RGPD2: variants seen among roughly 807,000 people sequenced by gnomAD.
The protein encoded by RGPD2 is RANBP2-like and GRIP domain-containing protein 2.
In RGPD2, 2 loss-of-function variants were observed where a neutral mutation model predicts 36.0. The observed-to-expected ratio is 0.06, with a 90% CI of 0.02 to 0.17. The LOEUF (loss-of-function observed/expected upper bound fraction) is 0.17. RGPD2 is among the 10% of genes least tolerant of loss of function. RGPD2 has a pLI of 1.00. For synonymous variants in RGPD2, 19 were observed against 163.8 expected (o/e 0.12, Z 6.75); for missense variants, 40 against 464.3 (o/e 0.09, Z 8.40).
the RGPD2 span, among the ~76,000 whole-genome samples, chr2:87,986,441 C>T: frequency 4.6e-5 from 7 of 151,826 alleles, no homozygotes; most frequent in African/African-American, 1.7e-4. Flanking sequence ...CCAAGGACAG[C>T]TTTTTGATCA....
chr2:87,807,377 A>ATTGTT (rs1303499413), intron 6 of RGPD2, among the ~76,000 whole-genome samples: 5 of 133,986 alleles, frequency 3.7e-5, no homozygotes, highest in Non-Finnish European at 4.6e-5. Context: ...ACAGCGTTAA[A>ATTGTT]TTGTTTTTTT....
chr2:87,860,616 G>A, the RGPD2 span, among the ~76,000 whole-genome samples: 1 of 151,448 alleles, frequency 6.6e-6, no homozygotes, highest in Non-Finnish European at 1.5e-5. Flanking sequence ...CCAAATTAGG[G>A]CAATTTTTCT....
At chr2:87,917,126 T>G in the RGPD2 span, among the ~76,000 whole-genome samples, 1 of 151,988 alleles carries the variant, frequency 6.6e-6, no homozygotes, top group African/African-American at 2.4e-5. Flanking sequence ...GAAAATGTAC[T>G]TGGAATATTG....
At chr2:87,916,998 C>T in the RGPD2 span, among the ~76,000 whole-genome samples, 7 of 151,964 alleles carry the variant, frequency 4.6e-5, no homozygotes, top group African/African-American at 7.3e-5. Flanking sequence ...GGCCAAAGGA[C>T]GCTTATTTGA....
the RGPD2 span, among the ~76,000 whole-genome samples, chr2:87,930,549 C>T: frequency 6.6e-6 from 1 of 151,814 alleles, no homozygotes; most frequent in African/African-American, 2.4e-5. Flanking sequence ...GTATCTCTGG[C>T]AGGTTTTGGA....
intron 22 of RGPD2, among the ~76,000 whole-genome samples, chr2:87,760,818 C>T (rs1339356939): frequency 6.9e-5 from 9 of 129,542 alleles, no homozygotes; most frequent in African/African-American, 2.6e-4. Flanking sequence ...AGGGTTTCAC[C>T]GTGTTAGCCA....
chr2:87,918,699 C>T, the RGPD2 span, among the ~76,000 whole-genome samples: 3 of 152,036 alleles, frequency 2.0e-5, no homozygotes, highest in African/African-American at 7.3e-5. Context: ...AAAAATACTA[C>T]TGGAATGGTC....
the RGPD2 span, among the ~76,000 whole-genome samples, chr2:87,864,613 G>GATAGATAC: frequency 2.3e-5 from 1 of 43,084 alleles, no homozygotes; most frequent in African/African-American, 6.8e-5. Flanking sequence ...TAGATAGATA[G>GATAGATAC]ATAGATAGAT....
At chr2:87,848,814 A>G in the RGPD2 span, among the ~76,000 whole-genome samples, 1 of 149,792 alleles carries the variant, frequency 6.7e-6, no homozygotes, top group Admixed American at 6.7e-5. Flanking sequence ...CCTGGCCAAA[A>G]TTAGAGGTTT....
At chr2:87,863,643 G>A in the RGPD2 span, among the ~76,000 whole-genome samples, 1 of 152,068 alleles carries the variant, frequency 6.6e-6, no homozygotes, top group Admixed American at 6.5e-5. Context: ...TCATCATCAT[G>A]AGTATTCCCT....
the RGPD2 span, among the ~76,000 whole-genome samples, chr2:87,912,008 A>G: frequency 6.6e-6 from 1 of 152,082 alleles, no homozygotes; most frequent in South Asian, 2.1e-4. Flanking sequence ...TTTCCATGTT[A>G]CATATGTCTG....
At chr2:87,966,401 G>A in the RGPD2 span, among the ~76,000 whole-genome samples, 1 of 147,768 alleles carries the variant, frequency 6.8e-6, no homozygotes, top group Admixed American at 6.9e-5. Context: ...TACTTCTACA[G>A]GACTAAGGGA....
At chr2:87,957,236 T>TGGGGGG in the RGPD2 span, among the ~76,000 whole-genome samples, 11 of 116,232 alleles carry the variant, frequency 9.5e-5, no homozygotes, top group African/African-American at 3.0e-4. Flanking sequence ...ACAAGGTCAC[T>TGGGGGG]GGGGGGGGGC....
the RGPD2 span, among the ~76,000 whole-genome samples, chr2:87,911,657 A>G: frequency 6.6e-6 from 1 of 152,070 alleles, no homozygotes; most frequent in Non-Finnish European, 1.5e-5. Context: ...AGCTTTGACT[A>G]ACAGGAGTGT....
chr2:87,985,978 T>C, the RGPD2 span: 1 of 1,226,372 alleles, frequency 8.2e-7, no homozygotes, highest in Non-Finnish European at 1.1e-6. Flanking sequence ...CCCCTTTCAA[T>C]AACCAAGTTT....
the RGPD2 span, among the ~76,000 whole-genome samples, chr2:87,967,113 A>G: frequency 2.4e-5 from 3 of 125,882 alleles, no homozygotes; most frequent in Non-Finnish European, 4.8e-5. Context: ...GTATTTATAA[A>G]ATATTTTATT....
the RGPD2 span, among the ~76,000 whole-genome samples, chr2:87,988,163 T>G: frequency 1.0e-4 from 15 of 145,588 alleles, no homozygotes; most frequent in South Asian, 3.2e-3. Flanking sequence ...GGCATTCTTT[T>G]CTTAACCTAC....
the RGPD2 span, among the ~76,000 whole-genome samples, chr2:87,905,186 G>A: frequency 2.0e-5 from 3 of 152,226 alleles, no homozygotes; most frequent in Non-Finnish European, 2.9e-5. Flanking sequence ...CTGCGTGGAG[G>A]ACAAAATTTT....
intron 1 of RGPD2, among the ~76,000 whole-genome samples, chr2:87,824,753 CCG>C (rs1686571724): frequency 1.6e-5 from 2 of 122,296 alleles, no homozygotes; most frequent in Admixed American, 1.6e-4. Context: ...GCCGCCGCCG[CCG>C]CCGCCGCCGC....
Sources: gnomAD v4.1 joint callset for allele counts (sites outside exome capture counted in the v4.1 genomes callset) on GRCh38, gnomAD v4.1.1 for gene constraint, MANE v1.5 for transcripts, NCBI Gene and HGNC (gene_info 2026-07-23, HGNC 2026-07-21) for gene names.